RNF128: variants seen among roughly 807,000 people sequenced by gnomAD.
RNF128 encodes the protein E3 ubiquitin-protein ligase RNF128.
A neutral mutation model predicts 26.2 loss-of-function variants in RNF128; 13 were observed. The ratio of observed to expected loss-of-function variants is 0.50; its 90% CI spans 0.32 to 0.79. The LOEUF is 0.79. RNF128 is among the 30% of genes least tolerant of loss of function. RNF128 has a pLI of 0.03. For synonymous variants in RNF128, 149 were observed against 142.5 expected (o/e 1.05, Z -0.32); for missense variants, 315 against 349.7 (o/e 0.90, Z 0.79).
At chrX:106,768,529 G>A (rs749138937) in intron 1 of RNF128, among the ~76,000 whole-genome samples, 2 of 111,844 alleles carry the variant, frequency 1.8e-5, no homozygotes, top group Admixed American at 9.5e-5. Context: ...TTCTCTGATG[G>A]TAGTTTGTAT....
intron 1 of RNF128, among the ~76,000 whole-genome samples, chrX:106,771,256 T>C (rs989842231): frequency 8.9e-6 from 1 of 112,622 alleles, no homozygotes; most frequent in Non-Finnish European, 1.9e-5. Context: ...AACTCCGTGC[T>C]GGGAGAACCA....
At position 106,764,660 on chromosome X, in the gene RNF128, C is replaced by T. The variant is rs762514948; in HGVS notation, c.485-8253C>T. On this transcript the variant is annotated intron_variant, in intron 1 of 6. Transcript: ENST00000255499. ...CCACTCTGGGTAAGGAGCGAAACTC[C>T]GTCTCAAAAAAAACAAAACAACAAC... Among the ~76,000 whole-genome samples the T allele has an allele frequency of 6.3e-5, 7 of 110,504 alleles. No individual in the cohort carries two copies. The South Asian group carries it at 1.9e-3, about 31-fold the overall frequency.
chrX:106,766,858 T>G (rs1409857685), intron 1 of RNF128, among the ~76,000 whole-genome samples: 18 of 111,895 alleles, frequency 1.6e-4, no homozygotes, highest in Admixed American at 3.8e-4. Context: ...GGTCTAATAT[T>G]TAGGTCTTTA....
At chrX:106,700,272 C>T (rs1928937381) in intron 1 of RNF128, among the ~76,000 whole-genome samples, 1 of 110,730 alleles carries the variant, frequency 9.0e-6, no homozygotes, top group Non-Finnish European at 1.9e-5. Context: ...AATCCTTCTG[C>T]CTCGACATCC....
rs766095240 is a variant in RNF128 at position 106,759,094 on chromosome X, A to G, written c.485-13819A>G. 8.9e-5 allele frequency among the ~76,000 whole-genome samples: 10 copies of G among 112,304 alleles called. No homozygotes were observed. The South Asian group carries it at 2.6e-3, about 29-fold the overall frequency. On this transcript the variant is annotated intron_variant, in intron 1 of 6. Transcript: ENST00000255499. ...AGCTGAAATCACTAAATAGGAAAAT[A>G]TCTAATAATCCGATTAAAAATGGAC...
intron 1 of RNF128, among the ~76,000 whole-genome samples, chrX:106,705,309 A>G (rs1486837252): frequency 8.9e-6 from 1 of 112,027 alleles, no homozygotes; most frequent in Non-Finnish European, 1.9e-5. Flanking sequence ...GGCTCTTTTA[A>G]TAAATCAAAT....
chrX:106,694,011 G>A (rs1928827736), exon 1 of RNF128: 2 of 1,193,388 alleles, frequency 1.7e-6, no homozygotes, highest in African/African-American at 3.6e-5. Flanking sequence ...CAATGAACCA[G>A]GAGAATAGGT....
intron 1 of RNF128, among the ~76,000 whole-genome samples, chrX:106,755,282 G>A (rs2066225706): frequency 1.8e-5 from 2 of 111,320 alleles, no homozygotes; most frequent in African/African-American, 6.5e-5. Flanking sequence ...CCCCAGTAAA[G>A]AAAAACCTGG....
chrX:106,698,426 T>C (rs141791035), intron 1 of RNF128, among the ~76,000 whole-genome samples: 181 of 111,118 alleles, frequency 1.6e-3, no homozygotes, highest in Admixed American at 4.7e-3. Flanking sequence ...GGTTTAATTA[T>C]AGCAGCAAAC....
At chrX:106,778,955 A>G (rs769714160) in intron 2 of RNF128, among the ~76,000 whole-genome samples, 2 of 112,104 alleles carry the variant, frequency 1.8e-5, no homozygotes, top group African/African-American at 3.2e-5. Context: ...CACTATTAAC[A>G]TATATACATT....
intron 3 of RNF128, among the ~76,000 whole-genome samples, chrX:106,787,486 T>G (rs992028781): frequency 2.7e-5 from 3 of 110,941 alleles, no homozygotes; most frequent in Admixed American, 1.9e-4. Flanking sequence ...TTGGGAGTAA[T>G]AGCACTATTC....
At chrX:106,735,527 A>G in intron 1 of RNF128, among the ~76,000 whole-genome samples, 1 of 111,823 alleles carries the variant, frequency 8.9e-6, no homozygotes, top group Middle Eastern at 4.6e-3. Context: ...TTATTTTTCT[A>G]TATTTTCTGA....
chrX:106,763,609 C>T (rs1479876837), intron 1 of RNF128, among the ~76,000 whole-genome samples: 2 of 111,913 alleles, frequency 1.8e-5, no homozygotes, highest in Non-Finnish European at 3.8e-5. Context: ...CGGGTTCACG[C>T]CATTCTCCTG....
At chrX:106,731,139 A>C (rs1929496001) in intron 1 of RNF128, among the ~76,000 whole-genome samples, 1 of 112,465 alleles carries the variant, frequency 8.9e-6, no homozygotes, top group Non-Finnish European at 1.9e-5. Flanking sequence ...TTTTAATCAC[A>C]GTTAAATATA....
chrX:106,795,965 A>C lies in RNF128; in HGVS notation c.*252A>C, dbSNP rs188282968. ...GATAACAACATTTTTAGACATTCAA[A>C]ACTGTCTTCAAGAAGTCACGTTTTT... On this transcript the variant is annotated 3_prime_UTR_variant, in exon 7 of 7. Transcript: ENST00000255499. 6.9e-5 allele frequency: 13 copies of C among 189,453 alleles called. No individual in the cohort carries two copies. The Admixed American group carries it at 8.4e-4, about 12-fold the overall frequency. 15.6% of individuals were successfully genotyped at this position (189,453 alleles called of 1,213,427 possible).
At chrX:106,722,885 T>C (rs913336345), upstream of RNF128, among the ~76,000 whole-genome samples, 3 of 110,980 alleles carry the variant, frequency 2.7e-5, no homozygotes, top group Admixed American at 1.9e-4. Flanking sequence ...CAAGGGGGGT[T>C]CATAGGATGA....
At chrX:106,751,489 A>G (rs1218829935) in intron 1 of RNF128, among the ~76,000 whole-genome samples, 1 of 110,656 alleles carries the variant, frequency 9.0e-6, no homozygotes, top group East Asian at 2.9e-4. Context: ...GGCAGTCTAG[A>G]CCAAAAGGAC....
intron 2 of RNF128, among the ~76,000 whole-genome samples, chrX:106,777,285 G>A (rs757010140): frequency 8.9e-6 from 1 of 111,957 alleles, no homozygotes; most frequent in South Asian, 3.7e-4. Flanking sequence ...ATTGCTCTGT[G>A]CAAGTCTATC....
At position 106,791,064 on chromosome X, in the gene RNF128, AGGT is replaced by A; in HGVS notation, c.986_988del (p.Val329del). On this transcript the variant is annotated splice_acceptor_variant and coding_sequence_variant, in exon 6 of 7. Coordinates refer to ENST00000255499, the MANE Select transcript of RNF128 (RefSeq NM_194463.2). LOFTEE classifies it high-confidence loss of function. The stretch of plus-strand genomic sequence containing the variant: ...TTTTAATTTGTTACATGTTCTTTAA[AGGT>A]GGATGTTGAAGATGGATCAGTGTCT... 1 of 1,203,717 alleles carries A rather than the reference AGGT, an allele frequency of 8.3e-7. No homozygotes were observed. The highest frequency in any genetic ancestry group is 1.8e-5 in the South Asian group (1 of 55,848).
Sources: allele counts gnomAD v4.1 joint callset (sites outside exome capture counted in the v4.1 genomes callset), GRCh38; gene constraint gnomAD v4.1.1; transcripts MANE v1.5; gene names NCBI Gene and HGNC (gene_info 2026-07-23, HGNC 2026-07-21).